Variants in ERC2 observed in about 807,000 individuals in gnomAD.
The protein encoded by ERC2 is ERC protein 2.
In ERC2, 42 loss-of-function variants were observed where a neutral mutation model predicts 114.8. That is an observed-to-expected ratio of 0.37 (90% CI 0.29 to 0.47). ERC2 has a LOEUF of 0.47. Ranked by LOEUF, ERC2 falls within the 20% of genes least tolerant of loss-of-function variation. The pLI, the probability that ERC2 is intolerant of heterozygous loss-of-function variation, is 0.99. For synonymous variants in ERC2, 454 were observed against 425.5 expected, an observed-to-expected ratio of 1.07 and a Z score of -0.82; for missense variants, 939 against 1,150.7, an observed-to-expected ratio of 0.82 and a Z score of 2.66.
At chr3:56,047,862 G>C (rs1214565095) in intron 7 of ERC2, among the ~76,000 whole-genome samples, 1 of 152,056 alleles carries the variant, frequency 6.6e-6, no homozygotes, top group Non-Finnish European at 1.5e-5. Context: ...AATTATTTCT[G>C]TACAAGCCCA....
intron 9 of ERC2, among the ~76,000 whole-genome samples, chr3:56,008,449 A>T (rs1361006946): frequency 1.3e-5 from 2 of 152,136 alleles, no homozygotes; most frequent in Non-Finnish European, 2.9e-5. Context: ...TTCCAATTTC[A>T]ATGACTTTTG....
intron 17 of ERC2, among the ~76,000 whole-genome samples, chr3:55,635,385 A>ATTTTTTTTTTTTTTTTTTTT: frequency 6.7e-6 from 1 of 150,364 alleles, no homozygotes; most frequent in East Asian, 2.0e-4. Context: ...TTTTCAGATG[A>ATTTTTTTTTTTTTTTTTTTT]TTTTTTTTCT....
chr3:56,385,157 C>G (rs61572442), intron 2 of ERC2, among the ~76,000 whole-genome samples: 3,125 of 152,012 alleles, frequency 0.021, 105 homozygotes, highest in African/African-American at 0.07. Flanking sequence ...AGATTATTAG[C>G]AATAGAAAAT....
intron 14 of ERC2, among the ~76,000 whole-genome samples, chr3:55,781,146 C>T (rs1313880425): frequency 6.6e-6 from 1 of 152,198 alleles, no homozygotes; most frequent in East Asian, 1.9e-4. Flanking sequence ...ACTGAGCACT[C>T]TGTCAACACT....
At chr3:56,043,899 A>T (rs1020260161) in intron 7 of ERC2, among the ~76,000 whole-genome samples, 2 of 152,210 alleles carry the variant, frequency 1.3e-5, no homozygotes, top group Non-Finnish European at 2.9e-5. Flanking sequence ...ACTTAAAAAA[A>T]ATCATTAAAC....
Position 55,539,886 on chromosome 3 carries a change from G to T in ERC2, c.*40-28610C>A, listed in dbSNP as rs1017709742. ...TTAAAATAATAAAAATATTTTAAAT[G>T]CTCATTGTAAATAATACTAATTTAA... On this transcript the variant is annotated intron_variant, in intron 17 of 17. Transcript: ENST00000288221. Among the ~76,000 whole-genome samples, 185 of 150,308 alleles carry T rather than the reference G, an allele frequency of 1.2e-3. 1 individual carries two copies. The highest frequency in any genetic ancestry group is 4.8e-3 in the Admixed American group (72 of 15,068).
chr3:55,687,936 G>T (rs572020109), intron 16 of ERC2, among the ~76,000 whole-genome samples: 4 of 152,368 alleles, frequency 2.6e-5, no homozygotes, highest in African/African-American at 9.6e-5. Context: ...CAGGGTACTA[G>T]TAGGTTTTCT....
intron 14 of ERC2, among the ~76,000 whole-genome samples, chr3:55,799,929 G>A (rs2070903101): frequency 6.6e-6 from 1 of 152,000 alleles, no homozygotes; most frequent in South Asian, 2.1e-4. Flanking sequence ...CATAACCCAG[G>A]GATTCACTGG....
At chr3:56,279,528 G>T (rs1351552849) in intron 3 of ERC2, among the ~76,000 whole-genome samples, 1 of 152,216 alleles carries the variant, frequency 6.6e-6, no homozygotes, top group African/African-American at 2.4e-5. Flanking sequence ...CAGGCACAGA[G>T]CCCAGAAGCT....
At chr3:55,743,157 T>A (rs890775049) in intron 14 of ERC2, among the ~76,000 whole-genome samples, 1 of 152,192 alleles carries the variant, frequency 6.6e-6, no homozygotes, top group African/African-American at 2.4e-5. Flanking sequence ...TGGAATTTCC[T>A]AACACGGGGG....
chr3:55,584,085 T>C (rs1403626239), intron 17 of ERC2, among the ~76,000 whole-genome samples: 1 of 152,204 alleles, frequency 6.6e-6, no homozygotes, highest in Non-Finnish European at 1.5e-5. Flanking sequence ...TGTTGAATAG[T>C]ACCTGGCACA....
intron 13 of ERC2, among the ~76,000 whole-genome samples, chr3:55,929,722 C>T (rs1317944652): frequency 6.6e-6 from 1 of 152,130 alleles, no homozygotes; most frequent in Non-Finnish European, 1.5e-5. Context: ...AACGGACTTC[C>T]CCCTTGCTGT....
intron 3 of ERC2, among the ~76,000 whole-genome samples, chr3:56,263,750 C>T (rs575397416): frequency 6.0e-4 from 92 of 152,156 alleles, no homozygotes; most frequent in African/African-American, 2.0e-3. Flanking sequence ...GAATTAACAA[C>T]AATTCTTCTT....
At chr3:56,404,947 C>G (rs956550210) in intron 2 of ERC2, among the ~76,000 whole-genome samples, 1 of 152,106 alleles carries the variant, frequency 6.6e-6, no homozygotes, top group Admixed American at 6.5e-5. Context: ...AGCATTTGTA[C>G]TGGTTTGATG....
chr3:55,810,337 T>A (rs2059666717), intron 14 of ERC2, among the ~76,000 whole-genome samples: 1 of 152,198 alleles, frequency 6.6e-6, no homozygotes, highest in African/African-American at 2.4e-5. Flanking sequence ...CTCTCATGTC[T>A]TATTCCCCTC....
intron 17 of ERC2, among the ~76,000 whole-genome samples, chr3:55,517,610 A>G (rs1477547701): frequency 6.6e-6 from 1 of 152,232 alleles, no homozygotes; most frequent in Non-Finnish European, 1.5e-5. Flanking sequence ...ACCTAAAACT[A>G]TCTCCTGGAT....
chr3:56,010,943 A>C (rs2072879212), intron 8 of ERC2, among the ~76,000 whole-genome samples: 2 of 152,314 alleles, frequency 1.3e-5, no homozygotes, highest in South Asian at 4.1e-4. Flanking sequence ...ACAGCCTTGC[A>C]CAGGAAAGGG....
chr3:56,395,902 G>C (rs1324523188), intron 2 of ERC2, among the ~76,000 whole-genome samples: 2 of 152,166 alleles, frequency 1.3e-5, no homozygotes, highest in African/African-American at 4.8e-5. Context: ...TTCCACCAGT[G>C]GGTTAGTATC....
intron 8 of ERC2, among the ~76,000 whole-genome samples, chr3:56,013,938 T>C (rs910428795): frequency 6.6e-6 from 1 of 152,208 alleles, no homozygotes; most frequent in Non-Finnish European, 1.5e-5. Flanking sequence ...ATACTTAGAA[T>C]AAATCTTCTA....
Sources: allele counts gnomAD v4.1 joint callset (sites outside exome capture counted in the v4.1 genomes callset), GRCh38; gene constraint gnomAD v4.1.1; transcripts MANE v1.5; gene names NCBI Gene and HGNC (gene_info 2026-07-23, HGNC 2026-07-21).